The following NRG1 variants were observed in gnomAD, a reference collection of about 807,000 sequenced individuals.
NRG1 encodes the protein neuregulin 1, also known as pro-neuregulin-1, membrane-bound isoform.
Under a neutral mutation model 63.8 loss-of-function variants are expected in NRG1, and 18 were observed. The ratio of observed to expected loss-of-function variants is 0.28; its 90% confidence interval spans 0.19 to 0.42. The LOEUF (loss-of-function observed/expected upper bound fraction) is 0.42. Among genes scored for constraint, NRG1 ranks in the 10% least tolerant of loss-of-function variants. The probability of loss-of-function intolerance (pLI) is 1.00; values close to 1 mark genes in which losing one functional copy is unlikely to be tolerated. For synonymous variants in NRG1, 302 were observed against 301.3 expected (o/e 1.00, Z -0.02); for missense variants, 762 against 814.7 (o/e 0.94, Z 0.79).
intron 5 of NRG1, among the ~76,000 whole-genome samples, chr8:32,632,490 G>A (rs1363121721): frequency 8.6e-5 from 13 of 150,712 alleles, no homozygotes; most frequent in East Asian, 3.9e-4. Flanking sequence ...CAGAGGTTGC[G>A]GTGAGCTGAG....
At chr8:32,750,795 G>A (rs892333428) in intron 7 of NRG1, among the ~76,000 whole-genome samples, 28 of 151,204 alleles carry the variant, frequency 1.9e-4, no homozygotes, top group Middle Eastern at 3.4e-3. Context: ...TTTGTGCCTC[G>A]CAGAACATCT....
chr8:32,160,888 C>G (rs566001516), intron 1 of NRG1, among the ~76,000 whole-genome samples: 1 of 152,042 alleles, frequency 6.6e-6, no homozygotes, highest in African/African-American at 2.4e-5. Context: ...TCTAAATTCC[C>G]GTAGAAAAGC....
chr8:31,884,846 A>T (rs1830602610), intron 1 of NRG1, among the ~76,000 whole-genome samples: 1 of 152,246 alleles, frequency 6.6e-6, no homozygotes, highest in African/African-American at 2.4e-5. Flanking sequence ...GAGAACCAAA[A>T]GTAGGAATTA....
intron 1 of NRG1, among the ~76,000 whole-genome samples, chr8:32,228,479 TA>T (rs887511285): frequency 3.9e-5 from 6 of 152,270 alleles, no homozygotes; most frequent in Admixed American, 3.9e-4. Context: ...AGTTTCAGTA[TA>T]AAAAAGATGA....
chr8:32,408,930 C>A (rs1002033740), intron 1 of NRG1, among the ~76,000 whole-genome samples: 1 of 152,042 alleles, frequency 6.6e-6, no homozygotes, highest in Non-Finnish European at 1.5e-5. Context: ...TATTATTCCA[C>A]CCTCTATGTC....
At chr8:31,988,252 T>G (rs539545307) in intron 1 of NRG1, among the ~76,000 whole-genome samples, 1 of 152,266 alleles carries the variant, frequency 6.6e-6, no homozygotes, top group African/African-American at 2.4e-5. Flanking sequence ...TTAATGGTTG[T>G]AACTGGTTAA....
At chr8:32,587,951 C>A (rs891915090) in intron 1 of NRG1, among the ~76,000 whole-genome samples, 5 of 145,030 alleles carry the variant, frequency 3.4e-5, no homozygotes, top group African/African-American at 1.2e-4. Flanking sequence ...TTTTTTGAGA[C>A]GGACTCTTGC....
intron 1 of NRG1, among the ~76,000 whole-genome samples, chr8:31,922,834 G>A (rs1362757705): frequency 2.0e-5 from 3 of 152,112 alleles, no homozygotes; most frequent in Non-Finnish European, 4.4e-5. Context: ...TGAACAAGCA[G>A]ATGATTTCAC....
intron 5 of NRG1, among the ~76,000 whole-genome samples, chr8:32,705,612 T>A (rs1002965275): frequency 1.1e-4 from 17 of 152,174 alleles, no homozygotes; most frequent in Non-Finnish European, 1.8e-4. Context: ...GTGAACAAGG[T>A]ACTAGTTGAT....
intron 1 of NRG1, among the ~76,000 whole-genome samples, chr8:31,795,672 A>ATT (rs60756372): frequency 6.6e-6 from 1 of 151,280 alleles, no homozygotes. Context: ...AGGTCAGCCC[A>ATT]TTTTTTTTTG....
intron 1 of NRG1, among the ~76,000 whole-genome samples, chr8:31,917,739 G>A (rs546893882): frequency 1.3e-5 from 2 of 152,264 alleles, no homozygotes; most frequent in South Asian, 4.1e-4. Flanking sequence ...CCAATTCTGT[G>A]AAGAAAGTCA....
chr8:31,723,470 A>T (rs1043112706), intron 1 of NRG1, among the ~76,000 whole-genome samples: 3 of 151,832 alleles, frequency 2.0e-5, no homozygotes, highest in African/African-American at 7.3e-5. Flanking sequence ...TCTTTTCGAG[A>T]TGGAGTCTTA....
At chr8:31,850,204 T>C (rs1359815491) in intron 1 of NRG1, among the ~76,000 whole-genome samples, 1 of 152,086 alleles carries the variant, frequency 6.6e-6, no homozygotes, top group Non-Finnish European at 1.5e-5. Context: ...TCAGATTTTA[T>C]AAGTGTAGGG....
intron 5 of NRG1, among the ~76,000 whole-genome samples, chr8:32,661,188 A>T (rs1229413717): frequency 1.7e-4 from 26 of 152,354 alleles, no homozygotes; most frequent in Non-Finnish European, 3.1e-4. Context: ...ACAATCATAT[A>T]TGTGTATATC....
At chr8:31,932,372 C>T (rs924382806) in intron 1 of NRG1, among the ~76,000 whole-genome samples, 2 of 152,134 alleles carry the variant, frequency 1.3e-5, no homozygotes, top group African/African-American at 4.8e-5. Flanking sequence ...AGCTACCCGA[C>T]AATATTGTCA....
intron 1 of NRG1, among the ~76,000 whole-genome samples, chr8:31,862,908 C>T (rs994836847): frequency 3.9e-4 from 60 of 152,126 alleles, no homozygotes; most frequent in African/African-American, 1.4e-3. Flanking sequence ...GGCATCCTCC[C>T]GAGCCATATT....
In NRG1 at chr8:31,640,738, CT is replaced by C; in HGVS notation, c.37+1308del. On this transcript the variant is annotated intron_variant, in intron 1 of 10. Transcript: ENST00000519301. The surrounding 1 kb of genome is among the most constrained non-coding windows in gnomAD (Gnocchi z 6.3). ...GCTGTGCAAGCGGTGCGGTAAGTTC[CT>C]CGCCCTTGGGGGCGCGAACCCGCGG... The C allele has an allele frequency of 3.2e-6, 5 of 1,552,644 alleles. No individual in the cohort carries two copies. Among genetic ancestry groups the C allele is most frequent in the Non-Finnish European group, 4.4e-6 (5 of 1,148,204 alleles).
rs149766542 is a variant in NRG1, at chr8:31,755,147, TA to T, written c.37+115717del. Among the ~76,000 whole-genome samples the T allele has an allele frequency of 3.8e-3, 584 of 152,198 alleles. 1 individual carries two copies. Among genetic ancestry groups the T allele is most frequent in the Middle Eastern group, 0.02 (6 of 294 alleles). ...TCTGGGCATTCTGCCCACTAATGAC[TA>T]GTTTTTGGCTCATTTCCTCCAGAGG... On this transcript the variant is annotated intron_variant, in intron 1 of 10. Coordinates refer to the NRG1 transcript ENST00000519301.
chr8:32,545,180 G>A (rs1488198509), upstream of NRG1, among the ~76,000 whole-genome samples: 1 of 152,152 alleles, frequency 6.6e-6, no homozygotes, highest in Non-Finnish European at 1.5e-5. Context: ...TATTCAGCCA[G>A]CTTTGTAGAT....
Sources: allele counts gnomAD v4.1 joint callset (sites outside exome capture counted in the v4.1 genomes callset), GRCh38; gene constraint gnomAD v4.1.1; non-coding constraint Gnocchi (gnomAD v3.1); transcripts MANE v1.5; gene names NCBI Gene and HGNC (gene_info 2026-07-23, HGNC 2026-07-21).